CPQ: variants seen among roughly 807,000 people sequenced by gnomAD.
CPQ encodes carboxypeptidase Q, also known as Ser-Met dipeptidase.
Under a neutral mutation model 45.7 loss-of-function variants are expected in CPQ, and 37 were observed. The ratio of observed to expected loss-of-function variants is 0.81; its 90% confidence interval spans 0.62 to 1.07. CPQ has a LOEUF of 1.07. Ranked by LOEUF, CPQ falls within the 50% of genes least tolerant of loss-of-function variation. CPQ has a pLI of 0.00. For missense variants in CPQ, 537 were observed against 572.9 expected, an observed-to-expected ratio of 0.94 and a Z score of 0.64; for synonymous variants, 186 against 205.8, an observed-to-expected ratio of 0.90 and a Z score of 0.82.
rs530502261 is a variant in CPQ, at chr8:96,845,880, C to T, written c.641+10700C>T. ...TTGTTGCCTAGGCAGGAGTAAATGGCGCGATCTCGGCTCACTGCAACCTCC... is the reference window on the plus strand; with the variant it reads ...TTGTTGCCTAGGCAGGAGTAAATGGTGCGATCTCGGCTCACTGCAACCTCC... On this transcript the variant is annotated intron_variant, in intron 3 of 7. Coordinates refer to ENST00000220763, the MANE Select transcript of CPQ (RefSeq NM_016134.4). 7.2e-5 allele frequency among the ~76,000 whole-genome samples: 11 copies of T among 152,236 alleles called. No individual in the cohort carries two copies. The South Asian group carries it at 2.1e-3, about 29-fold the overall frequency.
Position 96,841,372 on chromosome 8 carries a change from A to G in CPQ, c.641+6192A>G, listed in dbSNP as rs151144667. On this transcript the variant is annotated intron_variant, in intron 3 of 7. Transcript: ENST00000220763. ...TGGGACTTCTGCCTCCTGCTTTCTTAGCATGCGAGCTCAAGAATGCAAAGT... is the reference window on the plus strand; with the variant it reads ...TGGGACTTCTGCCTCCTGCTTTCTTGGCATGCGAGCTCAAGAATGCAAAGT... Among the ~76,000 whole-genome samples, 471 of 152,298 alleles carry G rather than the reference A, an allele frequency of 3.1e-3. 1 individual carries two copies. The highest frequency in any genetic ancestry group is 0.01 in the African/African-American group (421 of 41,564).
intron 5 of CPQ, among the ~76,000 whole-genome samples, chr8:97,015,265 C>G (rs1473694524): frequency 6.6e-6 from 1 of 151,906 alleles, no homozygotes. Flanking sequence ...CTCAATTTCT[C>G]CTTGCACATA....
At chr8:96,980,634 C>G (rs1813876685) in intron 5 of CPQ, among the ~76,000 whole-genome samples, 1 of 152,156 alleles carries the variant, frequency 6.6e-6, no homozygotes, top group African/African-American at 2.4e-5. Context: ...ATCCCAGTAT[C>G]AACTCTCAGC....
intron 3 of CPQ, among the ~76,000 whole-genome samples, chr8:96,869,525 G>A (rs1812038710): frequency 6.6e-6 from 1 of 152,044 alleles, no homozygotes; most frequent in Non-Finnish European, 1.5e-5. Context: ...ATCTACATTA[G>A]TGCCTTGCAC....
intron 4 of CPQ, among the ~76,000 whole-genome samples, chr8:96,910,174 T>C (rs534197807): frequency 2.6e-5 from 4 of 152,292 alleles, no homozygotes; most frequent in African/African-American, 9.6e-5. Flanking sequence ...GGGGTTTTTT[T>C]CCCCTTCTTT....
intron 1 of CPQ, among the ~76,000 whole-genome samples, chr8:96,697,931 A>G (rs1236561988): frequency 6.6e-6 from 1 of 152,154 alleles, no homozygotes; most frequent in Non-Finnish European, 1.5e-5. Flanking sequence ...ATACTGTCCA[A>G]AGCAATCTGC....
At chr8:96,964,600 C>T (rs2130360254) in intron 4 of CPQ, among the ~76,000 whole-genome samples, 1 of 151,778 alleles carries the variant, frequency 6.6e-6, no homozygotes, top group Non-Finnish European at 1.5e-5. Context: ...CTTTTGATGA[C>T]TAGCTTTCCT....
At chr8:96,991,555 T>TAATAAC (rs1202339499) in intron 5 of CPQ, among the ~76,000 whole-genome samples, 7 of 4,532 alleles carry the variant, frequency 1.5e-3, no homozygotes, top group Admixed American at 8.7e-3. Flanking sequence ...GAGTCTGTCA[T>TAATAAC]AATAATAATA....
At chr8:96,978,406 G>A (rs1311706755) in intron 5 of CPQ, among the ~76,000 whole-genome samples, 1 of 152,172 alleles carries the variant, frequency 6.6e-6, no homozygotes, top group Non-Finnish European at 1.5e-5. Flanking sequence ...TTTTAGTCTG[G>A]ATTTGGTATG....
chr8:96,919,253 G>A (rs544549257), intron 4 of CPQ, among the ~76,000 whole-genome samples: 26 of 152,074 alleles, frequency 1.7e-4, no homozygotes, highest in African/African-American at 4.3e-4. Context: ...CAGCTCATGC[G>A]ACCTCTTTGG....
At chr8:96,913,525 A>C (rs189665079) in intron 4 of CPQ, among the ~76,000 whole-genome samples, 1 of 152,200 alleles carries the variant, frequency 6.6e-6, no homozygotes, top group Non-Finnish European at 1.5e-5. Flanking sequence ...ACTCTCCTCT[A>C]TCTTTTCAGT....
chr8:97,019,254 G>A (rs976059955), intron 5 of CPQ, among the ~76,000 whole-genome samples: 2 of 152,086 alleles, frequency 1.3e-5, no homozygotes, highest in Non-Finnish European at 2.9e-5. Flanking sequence ...ACAAATCCTG[G>A]AAACACATCA....
intron 4 of CPQ, among the ~76,000 whole-genome samples, chr8:96,929,523 C>A (rs1035004045): frequency 6.6e-6 from 1 of 152,124 alleles, no homozygotes; most frequent in Non-Finnish European, 1.5e-5. Flanking sequence ...TGTGATACCC[C>A]CTCCTGTTAC....
intron 1 of CPQ, among the ~76,000 whole-genome samples, chr8:96,653,610 T>C (rs1026901924): frequency 1.3e-5 from 2 of 152,248 alleles, no homozygotes; most frequent in South Asian, 4.1e-4. Flanking sequence ...AACACATATT[T>C]TGTATGTTAC....
chr8:96,691,041 G>A (rs1809297770), intron 1 of CPQ, among the ~76,000 whole-genome samples: 1 of 145,388 alleles, frequency 6.9e-6, no homozygotes, highest in African/African-American at 2.9e-5. Flanking sequence ...GGTTGTATTA[G>A]TTTCCTAGGG....
chr8:97,067,427 A>T (rs1810658488), intron 7 of CPQ, among the ~76,000 whole-genome samples: 2 of 152,188 alleles, frequency 1.3e-5, no homozygotes, highest in African/African-American at 4.8e-5. Context: ...CTAACATTTG[A>T]ACAGTTTTAA....
intron 7 of CPQ, among the ~76,000 whole-genome samples, chr8:97,099,413 G>A (rs1323735612): frequency 1.3e-5 from 2 of 151,766 alleles, no homozygotes; most frequent in Non-Finnish European, 2.9e-5. Flanking sequence ...TTACAGGCGT[G>A]AGCCACCATG....
chr8:97,106,085 G>A (rs899819699), intron 7 of CPQ, among the ~76,000 whole-genome samples: 2 of 152,190 alleles, frequency 1.3e-5, no homozygotes, highest in South Asian at 2.1e-4. Context: ...TGATGGCCAC[G>A]AATGAATCAA....
chr8:96,810,488 A>G (rs558753662), intron 2 of CPQ, among the ~76,000 whole-genome samples: 2 of 152,306 alleles, frequency 1.3e-5, no homozygotes, highest in Admixed American at 6.5e-5. Flanking sequence ...CTCAGATAGA[A>G]GATGGAGATC....
Sources: gnomAD v4.1 joint callset for allele counts (sites outside exome capture counted in the v4.1 genomes callset) on GRCh38, gnomAD v4.1.1 for gene constraint, MANE v1.5 for transcripts, NCBI Gene and HGNC (gene_info 2026-07-23, HGNC 2026-07-21) for gene names.